The following MAP4K2 variants were observed in gnomAD, a reference collection of about 807,000 sequenced individuals.
MAP4K2 encodes mitogen-activated protein kinase kinase kinase kinase 2.
Under a neutral mutation model 125.3 loss-of-function variants are expected in MAP4K2, and 85 were observed. That is an observed-to-expected ratio of 0.68 (90% CI 0.57 to 0.81). The LOEUF is 0.81. Ranked by LOEUF, MAP4K2 falls within the 40% of genes least tolerant of loss-of-function variation. The pLI, the probability that MAP4K2 is intolerant of heterozygous loss-of-function variation, is 0.00. For synonymous variants in MAP4K2, 479 were observed against 445.1 expected, an observed-to-expected ratio of 1.08 and a Z score of -0.96; for missense variants, 923 against 1,056.4, an observed-to-expected ratio of 0.87 and a Z score of 1.75.
Position 64,789,748 on chromosome 11 carries a change from C to T in MAP4K2, c.2357G>A (p.Arg786Gln), listed in dbSNP as rs773457675. 35 of 1,613,984 alleles carry T rather than the reference C, an allele frequency of 2.2e-5. No individual in the cohort carries two copies. Among genetic ancestry groups the T allele is most frequent in the Non-Finnish European group, 1.1e-5 (13 of 1,179,996 alleles). ...QEITDETRIF[R>Q]VLGAHRDIIL... is the part of the protein sequence containing the mutation. The stretch of plus-strand genomic sequence containing the variant: ...CGCCTACCTGTGGGCCCCAAGCACT[C>T]GGAAGATCCTTGTTTCATCTGTGAT... The change falls in exon 31 of 32, where the codon CGA becomes CAA. Residue 786 changes from arginine to glutamine, a missense_variant. By Grantham distance (43) the Arg-to-Gln change is conservative (BLOSUM62 1). Around this residue, in one of 2 missense-constraint regions of MAP4K2, gnomAD observed 90 missense variants for 144.9 expected, o/e 0.62. Coordinates refer to ENST00000294066, the MANE Select transcript of MAP4K2 (RefSeq NM_004579.5).
chr11:64,792,420 C>G lies in MAP4K2; in HGVS notation c.1754G>C (p.Arg585Pro). 6.4e-7 allele frequency: 1 copy of G among 1,567,972 alleles called. No individual in the cohort carries two copies. The highest frequency in any genetic ancestry group is 1.2e-5 in the South Asian group (1 of 86,718). ...NRLTQRIIPR[R>P]FALSTKIPDT... The stretch of plus-strand genomic sequence containing the variant: ...AGGAATCTTGGTGGACAGAGCAAAG[C>G]GCCTGTAGGGGTGATAACCAGGGCC... Residue 585 changes from arginine (R) to proline (P), a missense_variant and splice_region_variant, in exon 25 of 32, where the codon CGC becomes CCC. Physicochemically the swap from Arg to Pro is moderately radical, Grantham distance 103 (BLOSUM62 -2). Coordinates refer to ENST00000294066, the MANE Select transcript of MAP4K2 (RefSeq NM_004579.5).
intron 24 of MAP4K2, among the ~76,000 whole-genome samples, chr11:64,795,513 G>A (rs1243232397): frequency 1.3e-5 from 2 of 151,892 alleles, no homozygotes; most frequent in Admixed American, 6.6e-5. Context: ...CGATTCTCCT[G>A]TCTCAGCCTC....
Position 64,790,552 on chromosome 11 carries a change from G to A in MAP4K2, c.2093-90C>T, listed in dbSNP as rs996627426. ...GGGGGCCAGGCTACAGACAGCCCTT[G>A]GCCATGAGGGCACGTCAGCCTCACA... On this transcript the variant is annotated intron_variant, in intron 27 of 31. Coordinates refer to ENST00000294066, the MANE Select transcript of MAP4K2 (RefSeq NM_004579.5). 142 of 1,209,744 alleles carry A rather than the reference G, an allele frequency of 1.2e-4. 3 individuals are homozygous for A. The Admixed American group carries it at 2.1e-3, about 17-fold the overall frequency. The allele number at this position is 1,209,744 out of a possible 1,614,324, so 74.9% of individuals were successfully genotyped here.
chr11:64,798,535 G>C (rs769807250), intron 15 of MAP4K2, among the ~76,000 whole-genome samples: 6 of 151,788 alleles, frequency 4.0e-5, no homozygotes, highest in Non-Finnish European at 7.4e-5. Context: ...CCTGACCTCA[G>C]GTGATCCACC....
At position 64,789,585 on chromosome 11, in the gene MAP4K2, C is replaced by T. The variant is rs561357979; in HGVS notation, c.2415G>A (p.Glu805=). ...TGAGGATGTAGAGGTTGCTGTGCGC[C>T]TCTGGGTTGTCAGTGGGAATGCTCT... The part of the protein sequence containing the change: ...ILESIPTDNP[E]AHSNLYILTG... Residue 805 remains glutamate, a synonymous_variant, in exon 32 of 32, where the codon GAG becomes GAA. Transcript: ENST00000294066. 20 of 1,605,538 alleles carry T rather than the reference C, an allele frequency of 1.2e-5. No homozygotes were observed. Among genetic ancestry groups the T allele is most frequent in the Admixed American group, 3.4e-5 (2 of 58,418 alleles).
chr11:64,791,371 T>C (rs1239954206), intron 27 of MAP4K2, among the ~76,000 whole-genome samples: 1 of 151,940 alleles, frequency 6.6e-6, no homozygotes, highest in Non-Finnish European at 1.5e-5. Flanking sequence ...TGTTGACCAG[T>C]TTTTGTTTTT....
intron 7 of MAP4K2, 137 bp from the exon 8 acceptor site, chr11:64,801,320 T>C (rs1307240410): frequency 8.0e-6 from 9 of 1,130,204 alleles, no homozygotes; most frequent in South Asian, 1.4e-5. Context: ...CCGCAGGCCC[T>C]AGGCAAGGCC....
At position 64,800,234 on chromosome 11, in the gene MAP4K2, G is replaced by C. The variant is rs1941079428; in HGVS notation, c.808-18C>G. 1 of 1,612,182 alleles carries C rather than the reference G, an allele frequency of 6.2e-7. No homozygotes were observed. The highest frequency in any genetic ancestry group is 1.3e-5 in the African/African-American group (1 of 74,904). On this transcript the variant is annotated intron_variant, in intron 11 of 31. Transcript: ENST00000294066. ...AACGGGTGCTGGAAAGTGGGGGAGG[G>C]GGGTGATCAGGTTGGCCCCTGATCC...
In MAP4K2 at chr11:64,796,548, A is replaced by T. The variant is rs1348899961; in HGVS notation, c.1578T>A (p.Ile526=). The T allele has an allele frequency of 6.2e-7, 1 of 1,613,826 alleles. No individual in the cohort carries two copies. The highest frequency in any genetic ancestry group is 1.3e-5 in the African/African-American group (1 of 74,920). ...ELHEDTLEKL[I]SHRCSWLYCV... is the part of the protein sequence containing the mutation. The stretch of plus-strand genomic sequence containing the variant: ...AGTAGAGCCAGGAGCAGCGATGTGA[A>T]ATCAGCTGGAGGCCACAGAGGGACA... The change falls in exon 23 of 32, where the codon ATT becomes ATA. Residue 526 remains isoleucine (I), a synonymous_variant. Coordinates refer to ENST00000294066, the MANE Select transcript of MAP4K2 (RefSeq NM_004579.5).
In MAP4K2 at chr11:64,788,801, C is replaced by G. The variant is rs1016517985; in HGVS notation, c.*736G>C. The G allele has an allele frequency of 1.3e-5, 2 of 152,366 alleles. No homozygotes were observed. Among genetic ancestry groups the G allele is most frequent in the Non-Finnish European group, 2.9e-5 (2 of 68,186 alleles). 9.4% of individuals were successfully genotyped at this position (152,366 alleles called of 1,614,324 possible). A position where few individuals can be genotyped will look rare whatever the true frequency, so the allele number is the denominator to read the frequency against. ...CTCTGGGGGCTCCTCCTGGGCCCTTCCAGGGGTCACCCAGTGAGATCCTAC... is the reference window on the plus strand; with the variant it reads ...CTCTGGGGGCTCCTCCTGGGCCCTTGCAGGGGTCACCCAGTGAGATCCTAC... On this transcript the variant is annotated 3_prime_UTR_variant, in exon 32 of 32. Transcript: ENST00000294066.
At position 64,791,964 on chromosome 11, in the gene MAP4K2, C is replaced by A. The variant is rs773409051; in HGVS notation, c.2037G>T (p.Leu679=). The change falls in exon 27 of 32, where the codon CTG becomes CTT. Residue 679 remains leucine, a synonymous_variant. Coordinates refer to ENST00000294066, the MANE Select transcript of MAP4K2 (RefSeq NM_004579.5). ...CAGCCTCCAGGGGCAGGACATGGAA[C>A]AGGACGCGGCAGCCGGGCCCCTCAG... ...EGPEGPGCRV[L]FHVLPLEAGL... 3.1e-6 allele frequency: 5 copies of A among 1,605,362 alleles called. No homozygotes were observed. The African/African-American group carries it at 4.0e-5, about 13-fold the overall frequency.
chr11:64,799,758 G>T, intron 12 of MAP4K2, 75 bp from the exon 13 acceptor site: 1 of 1,217,728 alleles, frequency 8.2e-7, no homozygotes, highest in Non-Finnish European at 1.2e-6. Flanking sequence ...AGCTTCACAC[G>T]CACCAGTGCG....
At chr11:64,798,304 T>C (rs977443715) in intron 15 of MAP4K2, among the ~76,000 whole-genome samples, 1 of 152,184 alleles carries the variant, frequency 6.6e-6, no homozygotes, top group Non-Finnish European at 1.5e-5. Context: ...TAGCTGGGAT[T>C]ACAGGCGCCT....
chr11:64,796,497 G>A lies in MAP4K2; in HGVS notation c.1629C>T (p.Leu543=), dbSNP rs762371395. The A allele has an allele frequency of 6.8e-6, 11 of 1,613,948 alleles. No homozygotes were observed. The South Asian group carries it at 1.2e-4, about 18-fold the overall frequency. The change falls in exon 23 of 32, where the codon CTC becomes CTT. Residue 543 remains leucine, a synonymous_variant. Transcript: ENST00000294066. ...LYCVNNVLLS[L]SGKSTHIWAH... ...CCTGCCCATCCCACCTTGTACCTGA[G>A]AGTGACAGCAGCACGTTGTTCACGC... is the stretch of plus-strand genomic sequence containing the variant.
chr11:64,791,986 T>C lies in MAP4K2; in HGVS notation c.2015A>G (p.Glu672Gly). The change falls in exon 27 of 32, where the codon GAG becomes GGG. Residue 672 changes from glutamate to glycine, a missense_variant. Physicochemically the swap from Glu to Gly is moderately conservative, Grantham distance 98 (BLOSUM62 -2). Transcript: ENST00000294066. ...PQVCVGAEGP[E>G]GPGCRVLFHV... The stretch of plus-strand genomic sequence containing the variant: ...GAACAGGACGCGGCAGCCGGGCCCC[T>C]CAGGCCCCTCGGCCCCAACACACAC... 1 of 1,602,502 alleles carries C rather than the reference T, an allele frequency of 6.2e-7. No homozygotes were observed. The highest frequency in any genetic ancestry group is 1.7e-5 in the Admixed American group (1 of 58,792).
In MAP4K2 at chr11:64,792,452, T is replaced by C. The variant is rs747372938; in HGVS notation, c.1752-30A>G. 9 of 1,561,092 alleles carry C rather than the reference T, an allele frequency of 5.8e-6. No individual in the cohort carries two copies. The South Asian group carries it at 9.4e-5, about 16-fold the overall frequency. ...AGGGGTGATAACCAGGGCCTGTGTC[T>C]GGGATGCCATCCATGGGCAAGGCCC... is the stretch of plus-strand genomic sequence containing the variant. On this transcript the variant is annotated intron_variant, in intron 24 of 31. Coordinates refer to ENST00000294066, the MANE Select transcript of MAP4K2 (RefSeq NM_004579.5).
At chr11:64,799,728 C>A in intron 12 of MAP4K2, 45 bp from the exon 13 acceptor site, 1 of 1,527,554 alleles carries the variant, frequency 6.5e-7, no homozygotes, top group African/African-American at 1.4e-5. Context: ...GCACGCGCCT[C>A]ATGCCGGGGC....
In MAP4K2 at chr11:64,787,041, T is replaced by TC. The variant is rs1940222648; in HGVS notation, c.*2495_*2496insG. The TC allele has an allele frequency of 6.7e-6, 1 of 149,920 alleles. No homozygotes were observed. The highest frequency in any genetic ancestry group is 1.5e-5 in the Non-Finnish European group (1 of 67,362). 9.3% of individuals were successfully genotyped at this position (149,920 alleles called of 1,614,324 possible). ...TATATATATTTTTTTCTCTTTTTTT[T>TC]TTTTTTGAGACGGAGTCTTGCACTG... On this transcript the variant is annotated 3_prime_UTR_variant, in exon 32 of 32. Transcript: ENST00000294066.
chr11:64,796,397 A>C lies in MAP4K2; in HGVS notation c.1634-7T>G. On this transcript the variant is annotated splice_region_variant and splice_polypyrimidine_tract_variant and intron_variant, in intron 23 of 31. Coordinates refer to ENST00000294066, the MANE Select transcript of MAP4K2 (RefSeq NM_004579.5). The stretch of plus-strand genomic sequence containing the variant: ...CAGATGTGCGTGGATTTCCCTGCAG[A>C]AACAGGAAGAGGCCAGGCCTGGGGT... The C allele has an allele frequency of 6.2e-7, 1 of 1,611,282 alleles. No homozygotes were observed. Among genetic ancestry groups the C allele is most frequent in the Non-Finnish European group, 8.5e-7 (1 of 1,178,250 alleles).
Sources: gnomAD v4.1 joint callset for allele counts (sites outside exome capture counted in the v4.1 genomes callset) on GRCh38, gnomAD v4.1.1 for gene constraint, gnomAD v4.1.1 regional missense constraint, MANE v1.5 for transcripts, NCBI Gene and HGNC (gene_info 2026-07-23, HGNC 2026-07-21) for gene names.